Variants in EPHA3 observed in about 807,000 individuals in gnomAD.
EPHA3 encodes the protein ephrin type-A receptor 3.
A neutral mutation model predicts 107.1 loss-of-function variants in EPHA3; 42 were observed. The ratio of observed to expected loss-of-function variants is 0.39; its 90% CI spans 0.31 to 0.51. The LOEUF (loss-of-function observed/expected upper bound fraction) is 0.51. EPHA3 is among the 20% of genes least tolerant of loss of function. The probability of loss-of-function intolerance (pLI) is 0.78; values close to 1 mark genes in which losing one functional copy is unlikely to be tolerated. For synonymous variants in EPHA3, 461 were observed against 424.8 expected (o/e 1.09, Z -1.05); for missense variants, 1,183 against 1,211.2 (o/e 0.98, Z 0.35).
At chr3:89,468,218 C>A (rs1559706999) in intron 15 of EPHA3, among the ~76,000 whole-genome samples, 1 of 150,614 alleles carries the variant, frequency 6.6e-6, no homozygotes, top group Non-Finnish European at 1.5e-5. Context: ...CTTTGCAGGG[C>A]TAGTTATTCT....
intron 3 of EPHA3, among the ~76,000 whole-genome samples, chr3:89,213,579 A>G (rs753807820): frequency 6.6e-6 from 1 of 152,048 alleles, no homozygotes; most frequent in African/African-American, 2.4e-5. Context: ...CGAATAGATG[A>G]TGAAGTAAAG....
intron 2 of EPHA3, among the ~76,000 whole-genome samples, chr3:89,152,244 G>C (rs1321018903): frequency 6.6e-6 from 1 of 151,998 alleles, no homozygotes; most frequent in African/African-American, 2.4e-5. Flanking sequence ...CAAATGATCA[G>C]AGGGAATACA....
chr3:89,118,955 A>G (rs1707317111), intron 1 of EPHA3, among the ~76,000 whole-genome samples: 2 of 151,984 alleles, frequency 1.3e-5, no homozygotes, highest in African/African-American at 4.8e-5. Context: ...TCCCTGAGAG[A>G]CAGGGAGAAT....
chr3:89,191,095 T>C (rs1227266750), intron 2 of EPHA3, among the ~76,000 whole-genome samples: 3 of 152,062 alleles, frequency 2.0e-5, no homozygotes, highest in African/African-American at 4.8e-5. Context: ...CTTTCATTGG[T>C]GTAGTAAACA....
At chr3:89,289,635 A>AT (rs1314608290) in intron 3 of EPHA3, among the ~76,000 whole-genome samples, 1 of 152,096 alleles carries the variant, frequency 6.6e-6, no homozygotes, top group Non-Finnish European at 1.5e-5. Context: ...TTAAAATTTT[A>AT]TCTAATTTTA....
At chr3:89,353,903 CTAAT>C (rs1269794355) in intron 5 of EPHA3, among the ~76,000 whole-genome samples, 1 of 151,156 alleles carries the variant, frequency 6.6e-6, no homozygotes, top group African/African-American at 2.4e-5. Flanking sequence ...ATATACGACT[CTAAT>C]TAATGGAGAA....
intron 5 of EPHA3, among the ~76,000 whole-genome samples, chr3:89,353,590 T>G (rs2107446328): frequency 6.6e-6 from 1 of 151,438 alleles, no homozygotes; most frequent in South Asian, 2.1e-4. Context: ...TCAAGGCAGA[T>G]ACCTGTGCAT....
intron 15 of EPHA3, among the ~76,000 whole-genome samples, chr3:89,460,290 C>CA (rs1364565675): frequency 1.3e-5 from 2 of 151,236 alleles, no homozygotes; most frequent in East Asian, 1.9e-4. Flanking sequence ...ATTCTTGACA[C>CA]AAAAAAATTA....
intron 13 of EPHA3, among the ~76,000 whole-genome samples, chr3:89,438,665 G>A (rs1396449603): frequency 6.6e-6 from 1 of 152,064 alleles, no homozygotes; most frequent in African/African-American, 2.4e-5. Flanking sequence ...AATGAAAAAG[G>A]TAATAACAAA....
intron 13 of EPHA3, among the ~76,000 whole-genome samples, chr3:89,444,491 TA>T (rs1443374622): frequency 6.6e-6 from 1 of 152,116 alleles, no homozygotes; most frequent in African/African-American, 2.4e-5. Flanking sequence ...AGATAATTTT[TA>T]AAAATTTCTT....
intron 3 of EPHA3, among the ~76,000 whole-genome samples, chr3:89,286,076 C>T (rs1471963556): frequency 2.0e-5 from 3 of 150,078 alleles, no homozygotes; most frequent in Admixed American, 6.7e-5. Flanking sequence ...TCAGATAAGG[C>T]AAATGTAAGT....
chr3:89,235,533 A>C (rs1217175235), intron 3 of EPHA3, among the ~76,000 whole-genome samples: 1 of 152,052 alleles, frequency 6.6e-6, no homozygotes, highest in African/African-American at 2.4e-5. Context: ...ATTTCTTCAT[A>C]TGCATGTAAG....
chr3:89,222,340 T>C (rs201898022), intron 3 of EPHA3, among the ~76,000 whole-genome samples: 18,132 of 145,862 alleles, frequency 0.12, 1,124 homozygotes, highest in Admixed American at 0.14. Context: ...TATATATATA[T>C]ATATATATAT....
At chr3:89,286,275 G>C (rs778909649) in intron 3 of EPHA3, among the ~76,000 whole-genome samples, 1 of 151,566 alleles carries the variant, frequency 6.6e-6, no homozygotes, top group Non-Finnish European at 1.5e-5. Flanking sequence ...AAGTGAGTAA[G>C]AGAAGTGAGG....
chr3:89,408,054 G>A lies in EPHA3; in HGVS notation c.1698-13G>A. 1 of 1,612,062 alleles carries A rather than the reference G, an allele frequency of 6.2e-7. No homozygotes were observed. Among genetic ancestry groups the A allele is most frequent in the South Asian group, 1.1e-5 (1 of 90,894 alleles). ...TTCCTCTTATGTGTTCGCTTTCCTT[G>A]ATTTACCTCCAGGTTCTGTGGCTAT... is the stretch of plus-strand genomic sequence containing the variant. On this transcript the variant is annotated splice_polypyrimidine_tract_variant and intron_variant, in intron 8 of 16. Coordinates refer to ENST00000336596, the MANE Select transcript of EPHA3 (RefSeq NM_005233.6).
At chr3:89,205,343 T>C (rs1399524060) in intron 2 of EPHA3, among the ~76,000 whole-genome samples, 1 of 152,206 alleles carries the variant, frequency 6.6e-6, no homozygotes, top group East Asian at 1.9e-4. Context: ...TATTAAAATA[T>C]ATGTTTCCCT....
chr3:89,219,490 A>G (rs530456803), intron 3 of EPHA3, among the ~76,000 whole-genome samples: 1 of 151,660 alleles, frequency 6.6e-6, no homozygotes, highest in African/African-American at 2.4e-5. Flanking sequence ...AGTGTCTGCT[A>G]TACCAAATGT....
At chr3:89,176,580 C>T (rs1705325142) in intron 2 of EPHA3, among the ~76,000 whole-genome samples, 1 of 150,968 alleles carries the variant, frequency 6.6e-6, no homozygotes, top group African/African-American at 2.4e-5. Context: ...TTCTAATTCT[C>T]AGGAATTTCT....
At chr3:89,439,851 A>G (rs527670921) in intron 13 of EPHA3, among the ~76,000 whole-genome samples, 14 of 152,132 alleles carry the variant, frequency 9.2e-5, no homozygotes, top group African/African-American at 3.1e-4. Context: ...TAGTTTTTAC[A>G]CTGTTTCATG....
Sources: allele counts gnomAD v4.1 joint callset (sites outside exome capture counted in the v4.1 genomes callset), GRCh38; gene constraint gnomAD v4.1.1; transcripts MANE v1.5; gene names NCBI Gene and HGNC (gene_info 2026-07-23, HGNC 2026-07-21).